Variants in STK32B observed in about 807,000 individuals in gnomAD.
STK32B encodes the protein serine/threonine-protein kinase 32B.
Under a neutral mutation model 52.6 loss-of-function variants are expected in STK32B, and 43 were observed. The observed-to-expected ratio is 0.82, with a 90% confidence interval of 0.64 to 1.05. The LOEUF is 1.05. Ranked by LOEUF, STK32B falls within the 50% of genes least tolerant of loss-of-function variation. STK32B has a pLI of 0.00. For missense variants in STK32B, 621 were observed against 534.6 expected (o/e 1.16, Z -1.59); for synonymous variants, 238 against 204.3 (o/e 1.17, Z -1.41).
intron 3 of STK32B, among the ~76,000 whole-genome samples, chr4:5,169,391 G>A (rs1257594478): frequency 6.6e-6 from 1 of 152,150 alleles, no homozygotes; most frequent in African/African-American, 2.4e-5. Context: ...TCATTCAGCG[G>A]ATCAGTTGAC....
At chr4:5,242,398 T>A (rs965743028) in intron 3 of STK32B, among the ~76,000 whole-genome samples, 2 of 152,224 alleles carry the variant, frequency 1.3e-5, no homozygotes, top group Non-Finnish European at 2.9e-5. Context: ...TCTGTTCATA[T>A]CCTTTGCCCA....
chr4:5,140,112 C>T, intron 2 of STK32B, 152 bp downstream of exon 2: 2 of 1,418,200 alleles, frequency 1.4e-6, no homozygotes, highest in Non-Finnish European at 2.0e-6. Context: ...GAATAGTTTC[C>T]TTGCGATCTG....
At chr4:5,387,882 T>A (rs191010538) in intron 4 of STK32B, among the ~76,000 whole-genome samples, 1 of 152,298 alleles carries the variant, frequency 6.6e-6, no homozygotes, top group Non-Finnish European at 1.5e-5. Flanking sequence ...GTAGCCAGGA[T>A]TACAGGCTCC....
Position 5,400,633 on chromosome 4 carries a change from AAAG to A in STK32B, c.472+2392_472+2394del, listed in dbSNP as rs1343659824. Among the ~76,000 whole-genome samples, 6 of 152,322 alleles carry A rather than the reference AAAG, an allele frequency of 3.9e-5. No individual in the cohort carries two copies. The highest frequency in any genetic ancestry group is 1.4e-4 in the African/African-American group (6 of 41,568). ...TGAGTGGCTTTGCAGGTGGTACAGA[AAAG>A]AAATTTAGGAGCAGGGAATTCCGCT... On this transcript the variant is annotated intron_variant, in intron 5 of 11. Transcript: ENST00000282908. The surrounding 1 kb of genome is among the most constrained non-coding windows in gnomAD (Gnocchi z 6.1).
intron 4 of STK32B, among the ~76,000 whole-genome samples, chr4:5,362,257 C>A (rs958957268): frequency 2.6e-5 from 4 of 152,176 alleles, no homozygotes; most frequent in Non-Finnish European, 5.9e-5. Context: ...AGACAGTCAG[C>A]TAAGCCCCAG....
intron 2 of STK32B, among the ~76,000 whole-genome samples, chr4:5,156,440 C>G (rs1296326009): frequency 6.6e-6 from 1 of 152,188 alleles, no homozygotes; most frequent in Admixed American, 6.5e-5. Flanking sequence ...CGCACAGACA[C>G]TCCTCTATTT....
At chr4:5,097,342 T>A (rs1018381823) in intron 1 of STK32B, among the ~76,000 whole-genome samples, 1 of 152,242 alleles carries the variant, frequency 6.6e-6, no homozygotes, top group African/African-American at 2.4e-5. Flanking sequence ...TTATTCCTTG[T>A]ATTGAGTTTA....
chr4:5,289,370 CAAG>C (rs1318667338), intron 3 of STK32B, among the ~76,000 whole-genome samples: 1 of 152,088 alleles, frequency 6.6e-6, no homozygotes, highest in African/African-American at 2.4e-5. Context: ...ATGTGAGGGT[CAAG>C]GACATTATTG....
At chr4:5,320,152 A>T (rs757964633) in intron 3 of STK32B, among the ~76,000 whole-genome samples, 3 of 151,944 alleles carry the variant, frequency 2.0e-5, no homozygotes, top group Non-Finnish European at 4.4e-5. Flanking sequence ...TCCCTCCCCT[A>T]TGTGTTTCTA....
At chr4:5,286,326 T>C (rs955957204) in intron 3 of STK32B, among the ~76,000 whole-genome samples, 5 of 152,176 alleles carry the variant, frequency 3.3e-5, no homozygotes, top group Admixed American at 1.3e-4. Context: ...TACTTTAATA[T>C]AAGTTTTATG....
chr4:5,234,730 G>A (rs191197932), intron 3 of STK32B, among the ~76,000 whole-genome samples: 15 of 152,396 alleles, frequency 9.8e-5, no homozygotes, highest in African/African-American at 3.6e-4. Flanking sequence ...CTTAGCCAGA[G>A]AGGATATTCC....
chr4:5,268,966 C>T (rs1167329332), intron 3 of STK32B, among the ~76,000 whole-genome samples: 3 of 151,984 alleles, frequency 2.0e-5, no homozygotes, highest in African/African-American at 7.3e-5. Context: ...TAGGATACCC[C>T]ACATTACTGA....
intron 1 of STK32B, among the ~76,000 whole-genome samples, chr4:5,108,694 G>A (rs1320241904): frequency 6.6e-6 from 1 of 152,094 alleles, no homozygotes; most frequent in Non-Finnish European, 1.5e-5. Context: ...CCAGTGACTC[G>A]CAGAGTCGGT....
At position 5,453,642 on chromosome 4, in the gene STK32B, G is replaced by A. The variant is rs571689724; in HGVS notation, c.667-3165G>A. On this transcript the variant is annotated intron_variant, in intron 7 of 11. Coordinates refer to ENST00000282908, the MANE Select transcript of STK32B (RefSeq NM_018401.3). This position sits in a 1 kb window ranked among gnomAD's most constrained non-coding sequence, Gnocchi z 4.0. ...AAAACGGCTGGGTGCAGTGGCTTAC[G>A]TCTGTAATCCCAGCACTCTGGGAGG... 7.2e-5 allele frequency among the ~76,000 whole-genome samples: 11 copies of A among 152,276 alleles called. No homozygotes were observed. The East Asian group carries it at 7.7e-4, about 11-fold the overall frequency.
Position 5,316,885 on chromosome 4 carries a change from T to C in STK32B, c.261-14335T>C, listed in dbSNP as rs1176060278. Among the ~76,000 whole-genome samples, 2 of 8,182 alleles carry C rather than the reference T, an allele frequency of 2.4e-4. 1 individual carries two copies. The highest frequency in any genetic ancestry group is 3.3e-4 in the Non-Finnish European group (2 of 6,112). The allele number at this position is 8,182 out of a possible 152,430, so 5.4% of individuals were successfully genotyped here. On this transcript the variant is annotated intron_variant, in intron 3 of 11. Coordinates refer to ENST00000282908, the MANE Select transcript of STK32B (RefSeq NM_018401.3). ...ATTATATATTATATATAATATATTA[T>C]ATATATTATATATAATATATAATAT...
chr4:5,481,080 T>C (rs997376015), intron 11 of STK32B, among the ~76,000 whole-genome samples: 1 of 152,230 alleles, frequency 6.6e-6, no homozygotes, highest in Admixed American at 6.5e-5. Context: ...TGATTTATAA[T>C]CCTTTTGGTA....
At chr4:5,387,458 G>C (rs969064724) in intron 4 of STK32B, among the ~76,000 whole-genome samples, 6 of 152,190 alleles carry the variant, frequency 3.9e-5, no homozygotes, top group African/African-American at 1.4e-4. Context: ...GGAAAACTCA[G>C]ACTGCAACCT....
At chr4:5,025,112 G>T in the STK32B span, among the ~76,000 whole-genome samples, 1 of 147,704 alleles carries the variant, frequency 6.8e-6, no homozygotes, top group Admixed American at 6.6e-5. Context: ...AGTATGGGAG[G>T]GGGGAATCCT....
At chr4:5,309,231 G>T (rs138384129) in intron 3 of STK32B, among the ~76,000 whole-genome samples, 1,584 of 152,114 alleles carry the variant, frequency 0.01, 20 homozygotes, top group African/African-American at 0.037. Flanking sequence ...AGCGATGAAA[G>T]AAAATGAAGA....
Sources: gnomAD v4.1 joint callset for allele counts (sites outside exome capture counted in the v4.1 genomes callset) on GRCh38, gnomAD v4.1.1 for gene constraint, Gnocchi (gnomAD v3.1) non-coding constraint, MANE v1.5 for transcripts, NCBI Gene and HGNC (gene_info 2026-07-23, HGNC 2026-07-21) for gene names.